The following TNFRSF18 variants were observed in gnomAD, a reference collection of about 807,000 sequenced individuals.
TNFRSF18 encodes the protein TNF receptor superfamily member 18.
Under a neutral mutation model 30.2 loss-of-function variants are expected in TNFRSF18, and 36 were observed. The observed-to-expected ratio is 1.19, with a 90% CI of 0.91 to 1.58. The LOEUF is 1.58. TNFRSF18 is among the 40% of genes most tolerant of loss of function. The pLI is 0.00. For synonymous variants in TNFRSF18, 173 were observed against 158.3 expected (o/e 1.09, Z -0.70); for missense variants, 369 against 345.4 (o/e 1.07, Z -0.54).
At chr1:1,204,743 G>A (rs1648731255) in intron 2 of TNFRSF18, among the ~76,000 whole-genome samples, 1 of 152,176 alleles carries the variant, frequency 6.6e-6, no homozygotes, top group African/African-American at 2.4e-5. Context: ...GCCTGCCAGG[G>A]AGGGGAAAGG....
intron 3 of TNFRSF18, 60 bp from the exon 4 acceptor site, chr1:1,204,296 GGCTGCTGCCCTCCGT>G: frequency 6.3e-7 from 1 of 1,591,560 alleles, no homozygotes; most frequent in Non-Finnish European, 8.6e-7. Flanking sequence ...ATCAGCCCCC[GGCTGCTGCCCTCCGT>G]GCTGTCTGGG....
chr1:1,204,143 C>A lies in TNFRSF18; in HGVS notation c.492G>T (p.Gly164=), dbSNP rs1338045220. Reference sequence around the variant, plus strand: ...CGGCCAGGAGGACGACGGTCAGCCACCCAAGCGGCTCTGCCGGCGGGGACC... The same window carrying A: ...CGGCCAGGAGGACGACGGTCAGCCAACCAAGCGGCTCTGCCGGCGGGGACC... ...VPGSPPAEPL[G]WLTVVLLAVA... Residue 164 remains glycine (G), a synonymous_variant, in exon 4 of 5, where the codon GGG becomes GGT. Transcript: ENST00000379268. 5.0e-6 allele frequency: 8 copies of A among 1,611,984 alleles called. No homozygotes were observed. Among genetic ancestry groups the A allele is most frequent in the Non-Finnish European group, 5.9e-6 (7 of 1,179,714 alleles).
At chr1:1,206,150 C>T (rs1648814403) in intron 1 of TNFRSF18, among the ~76,000 whole-genome samples, 1 of 152,222 alleles carries the variant, frequency 6.6e-6, no homozygotes, top group Non-Finnish European at 1.5e-5. Context: ...CTTGAGGGCG[C>T]TCCCACCTGG....
intron 2 of TNFRSF18, among the ~76,000 whole-genome samples, 182 bp downstream of exon 2, chr1:1,205,188 G>A (rs368834077): frequency 6.6e-6 from 1 of 152,194 alleles, no homozygotes. Flanking sequence ...AGCAGGGACA[G>A]GACACCCCCA....
chr1:1,205,561 G>A (rs1648783301), intron 1 of TNFRSF18, 69 bp from the exon 2 acceptor site: 10 of 1,538,280 alleles, frequency 6.5e-6, no homozygotes, highest in Non-Finnish European at 8.0e-6. Flanking sequence ...CCTCCCCTCG[G>A]CCCTCCAGGG....
At chr1:1,205,719 C>T (rs1278291803) in intron 1 of TNFRSF18, 5 of 559,826 alleles carry the variant, frequency 8.9e-6, no homozygotes, top group Admixed American at 6.3e-5. Context: ...CACAGCTGCC[C>T]CTGCCCAGGT....
rs766494999 is a variant in TNFRSF18, at chr1:1,205,428, AG to A, written c.251del (p.Pro84LeufsTer83). 20 of 1,612,504 alleles carry A rather than the reference AG, an allele frequency of 1.2e-5. No individual in the cohort carries two copies. The South Asian group carries it at 2.2e-4, about 18-fold the overall frequency. On this transcript the variant is annotated frameshift_variant, in exon 2 of 5. Transcript: ENST00000379268. LOFTEE classifies it high-confidence loss of function. Reference protein sequence around the residue: ...CVQPEFHCGDPCCTTCRHHPC... With the variant: ...CVQPEFHCGDXCCTTCRHHPC... ...GGTGGTGCCGGCAGGTCGTGCAGCA[AG>A]GGTCTCCGCAGTGGAATTCAGGCTG...
chr1:1,205,766 G>A (rs926047235), intron 1 of TNFRSF18: 13 of 469,396 alleles, frequency 2.8e-5, no homozygotes, highest in Non-Finnish European at 4.3e-5. Flanking sequence ...GCCCCTGCAG[G>A]ACCCAGGGGT....
At chr1:1,204,582 G>A (rs1002388305) in intron 2 of TNFRSF18, 96 bp from the exon 3 acceptor site, 6 of 924,046 alleles carry the variant, frequency 6.5e-6, no homozygotes, top group Admixed American at 5.9e-5. Context: ...TCCATCTGGG[G>A]TCTGGGTGCT....
rs1352919353 is a variant in TNFRSF18 at position 1,203,662 on chromosome 1, A to C, written c.*182T>G. 1 of 1,550,068 alleles carries C rather than the reference A, an allele frequency of 6.5e-7. No homozygotes were observed. The highest frequency in any genetic ancestry group is 2.3e-5 in the East Asian group (1 of 44,138). ...GACTGTGTCTCTCTCTCCCTCCTGC[A>C]GGGCCCAGCCGCGGCCGCCGAACTG... On this transcript the variant is annotated 3_prime_UTR_variant, in exon 5 of 5. Coordinates refer to ENST00000379268, the MANE Select transcript of TNFRSF18 (RefSeq NM_004195.3).
rs760539089 is a variant in TNFRSF18, at chr1:1,203,755, G to A, written c.*89C>T. 2.4e-5 allele frequency: 37 copies of A among 1,560,550 alleles called. No homozygotes were observed. The highest frequency in any genetic ancestry group is 1.7e-4 in the Middle Eastern group (1 of 5,756). On this transcript the variant is annotated 3_prime_UTR_variant, in exon 5 of 5. Transcript: ENST00000379268. ...TTCTGCTGCCAGGGGAGCAGGGCCC[G>A]GCCCAGAGCAGAACGCAGAGCCCCT...
At chr1:1,204,679 G>A (rs913817895) in intron 2 of TNFRSF18, among the ~76,000 whole-genome samples, 193 bp from the exon 3 acceptor site, 17 of 152,162 alleles carry the variant, frequency 1.1e-4, no homozygotes, top group African/African-American at 3.1e-4. Flanking sequence ...CAGGTGGGGC[G>A]TCTGGGGTGG....
chr1:1,205,882 G>A (rs557775910), intron 1 of TNFRSF18, among the ~76,000 whole-genome samples: 36 of 152,322 alleles, frequency 2.4e-4, no homozygotes, highest in Non-Finnish European at 4.7e-4. Context: ...CTGGGCCTCC[G>A]GACAGAGCCT....
chr1:1,204,746 G>A (rs941684083), intron 2 of TNFRSF18, among the ~76,000 whole-genome samples: 13 of 152,194 alleles, frequency 8.5e-5, no homozygotes, highest in African/African-American at 3.1e-4. Context: ...TGCCAGGGAG[G>A]GGAAAGGCCT....
In TNFRSF18 at chr1:1,205,797, C is replaced by T. The variant is rs1648794551; in HGVS notation, c.188-305G>A. 1.1e-5 allele frequency: 4 copies of T among 375,642 alleles called. No individual in the cohort carries two copies. The Admixed American group carries it at 1.3e-4, about 12-fold the overall frequency. The allele number at this position is 375,642 out of a possible 1,614,324, so 23.3% of individuals were successfully genotyped here. A position where few individuals can be genotyped will look rare whatever the true frequency, so the allele number is the denominator to read the frequency against. On this transcript the variant is annotated intron_variant, in intron 1 of 4. Transcript: ENST00000379268. ...GGGGTGGCCCCCAACAGTGCACAGT[C>T]CCCTGGAGGCCCGTCGACACCTCAG...
In TNFRSF18 at chr1:1,205,803, G is replaced by C. The variant is rs569702370; in HGVS notation, c.188-311C>G. The stretch of plus-strand genomic sequence containing the variant: ...GCCCCCAACAGTGCACAGTCCCCTG[G>C]AGGCCCGTCGACACCTCAGAGGCCG... On this transcript the variant is annotated intron_variant, in intron 1 of 4. Transcript: ENST00000379268. 40 of 363,750 alleles carry C rather than the reference G, an allele frequency of 1.1e-4. No individual in the cohort carries two copies. The East Asian group carries it at 1.6e-3, about 14-fold the overall frequency. 22.5% of individuals were successfully genotyped at this position (363,750 alleles called of 1,614,324 possible).
rs1478095138 is a variant in TNFRSF18, at chr1:1,203,973, AG to A, written c.602-6del. ...CCTCCAGCAGCAGCTGGGTCTCTGCAGGGGGGCCACGGTCAGCAGGCAGCCA... is the reference window on the plus strand; with the variant it reads ...CCTCCAGCAGCAGCTGGGTCTCTGCAGGGGGCCACGGTCAGCAGGCAGCCA... On this transcript the variant is annotated splice_polypyrimidine_tract_variant and splice_region_variant and intron_variant, in intron 4 of 4. Transcript: ENST00000379268. 3.7e-6 allele frequency: 6 copies of A among 1,606,714 alleles called. No homozygotes were observed. Among genetic ancestry groups the A allele is most frequent in the African/African-American group, 1.3e-5 (1 of 74,878 alleles).
At chr1:1,204,918 C>A (rs1648740361) in intron 2 of TNFRSF18, among the ~76,000 whole-genome samples, 1 of 152,184 alleles carries the variant, frequency 6.6e-6, no homozygotes, top group South Asian at 2.1e-4. Context: ...CTTCTCCCAG[C>A]TCTCATGTGC....
chr1:1,203,791 G>A lies in TNFRSF18; in HGVS notation c.*53C>T. The A allele has an allele frequency of 6.4e-7, 1 of 1,571,012 alleles. No homozygotes were observed. The highest frequency in any genetic ancestry group is 2.3e-5 in the East Asian group (1 of 43,210). On this transcript the variant is annotated 3_prime_UTR_variant, in exon 5 of 5. Coordinates refer to ENST00000379268, the MANE Select transcript of TNFRSF18 (RefSeq NM_004195.3). ...GAACGCAGAGCCCCTGCGGCCTGGG[G>A]AGCTCCTGGGGAGGGGCTGGCTGCG...
Sources: gnomAD v4.1 joint callset for allele counts (sites outside exome capture counted in the v4.1 genomes callset) on GRCh38, gnomAD v4.1.1 for gene constraint, MANE v1.5 for transcripts, NCBI Gene and HGNC (gene_info 2026-07-23, HGNC 2026-07-21) for gene names.